VAV3: variants seen among roughly 807,000 people sequenced by gnomAD.
The protein encoded by VAV3 is guanine nucleotide exchange factor VAV3.
A neutral mutation model predicts 131.2 loss-of-function variants in VAV3; 94 were observed. The observed-to-expected ratio is 0.72, with a 90% CI of 0.61 to 0.85. VAV3 has a LOEUF of 0.85. Ranked by LOEUF, VAV3 falls within the 40% of genes least tolerant of loss-of-function variation. The pLI is 0.00. For synonymous variants in VAV3, 349 were observed against 342.0 expected, an observed-to-expected ratio of 1.02 and a Z score of -0.22; for missense variants, 939 against 1,002.7, an observed-to-expected ratio of 0.94 and a Z score of 0.86.
At chr1:107,736,155 C>T (rs940405310) in intron 15 of VAV3, among the ~76,000 whole-genome samples, 6 of 152,212 alleles carry the variant, frequency 3.9e-5, no homozygotes, top group African/African-American at 1.4e-4. Flanking sequence ...CAAAATTCAA[C>T]AGTCCTTCAT....
At chr1:107,948,852 T>C (rs200179204) in intron 1 of VAV3, among the ~76,000 whole-genome samples, 2 of 151,346 alleles carry the variant, frequency 1.3e-5, no homozygotes, top group Non-Finnish European at 2.9e-5. Flanking sequence ...AAAAAAAAAA[T>C]AAACAAACAA....
At chr1:107,661,543 T>C (rs1253501647) in intron 19 of VAV3, among the ~76,000 whole-genome samples, 1 of 152,222 alleles carries the variant, frequency 6.6e-6, no homozygotes, top group East Asian at 1.9e-4. Flanking sequence ...CACTTGAATA[T>C]AAGCTTTACA....
chr1:107,877,789 T>C (rs921649417), intron 1 of VAV3, among the ~76,000 whole-genome samples: 3 of 152,186 alleles, frequency 2.0e-5, no homozygotes, highest in Non-Finnish European at 4.4e-5. Context: ...TTCCTCAAGC[T>C]TCTCTGTTAA....
rs111538706 is a variant in VAV3 at position 107,912,315 on chromosome 1, T to C, written c.205-37298A>G. Among the ~76,000 whole-genome samples, 316 of 152,308 alleles carry C rather than the reference T, an allele frequency of 2.1e-3. 1 individual carries two copies. Among genetic ancestry groups the C allele is most frequent in the African/African-American group, 7.2e-3 (301 of 41,574 alleles). ...GTAATTTTGAGGAAGAAACCTCCAA[T>C]AAGCTCAGGTTTTAAAAATGCATAA... is the stretch of plus-strand genomic sequence containing the variant. On this transcript the variant is annotated intron_variant, in intron 1 of 26. Transcript: ENST00000370056.
At chr1:107,858,512 G>A (rs536671468) in intron 2 of VAV3, among the ~76,000 whole-genome samples, 32 of 152,300 alleles carry the variant, frequency 2.1e-4, no homozygotes, top group African/African-American at 6.7e-4. Flanking sequence ...TGAGCAGTGC[G>A]TGAGTGAGCA....
intron 15 of VAV3, among the ~76,000 whole-genome samples, chr1:107,732,005 G>A (rs764725896): frequency 6.6e-5 from 10 of 152,168 alleles, no homozygotes; most frequent in Non-Finnish European, 1.2e-4. Flanking sequence ...TTACTTCTAA[G>A]TGAAGAGAAA....
chr1:107,919,816 A>G (rs1672803835), intron 1 of VAV3, among the ~76,000 whole-genome samples: 1 of 152,206 alleles, frequency 6.6e-6, no homozygotes, highest in Admixed American at 6.5e-5. Flanking sequence ...TATCTTAATA[A>G]GAACAGAAAG....
At chr1:107,628,134 G>C (rs1228123427) in intron 20 of VAV3, among the ~76,000 whole-genome samples, 1 of 152,084 alleles carries the variant, frequency 6.6e-6, no homozygotes, top group Non-Finnish European at 1.5e-5. Flanking sequence ...CTGACAGAAC[G>C]GGGGTGAAAG....
At chr1:107,825,676 C>A (rs1282936898) in intron 2 of VAV3, among the ~76,000 whole-genome samples, 2 of 152,132 alleles carry the variant, frequency 1.3e-5, no homozygotes, top group African/African-American at 4.8e-5. Context: ...CAAATAAAAT[C>A]CTCTGCTTTC....
intron 23 of VAV3, among the ~76,000 whole-genome samples, 198 bp downstream of exon 23, chr1:107,602,849 T>A (rs923202632): frequency 6.6e-6 from 1 of 152,210 alleles, no homozygotes; most frequent in Non-Finnish European, 1.5e-5. Flanking sequence ...AAATCTAATA[T>A]GCCAATTAGC....
At chr1:107,767,287 C>T (rs988990240) in intron 7 of VAV3, among the ~76,000 whole-genome samples, 2 of 152,204 alleles carry the variant, frequency 1.3e-5, no homozygotes, top group Non-Finnish European at 2.9e-5. Flanking sequence ...GCAGTAAATA[C>T]ATGTCATAGC....
intron 2 of VAV3, among the ~76,000 whole-genome samples, chr1:107,864,008 T>A (rs935962795): frequency 5.3e-5 from 8 of 152,172 alleles, no homozygotes; most frequent in Non-Finnish European, 1.5e-5. Flanking sequence ...AATGTCAATA[T>A]TACCAAAAAT....
chr1:107,860,759 A>C (rs1276482662), intron 2 of VAV3, among the ~76,000 whole-genome samples: 1 of 151,692 alleles, frequency 6.6e-6, no homozygotes, highest in Non-Finnish European at 1.5e-5. Flanking sequence ...AGCCAAGCAC[A>C]GTGGCGTGCA....
At chr1:107,643,729 AC>A (rs1309476672) in intron 19 of VAV3, among the ~76,000 whole-genome samples, 1 of 152,194 alleles carries the variant, frequency 6.6e-6, no homozygotes, top group Non-Finnish European at 1.5e-5. Flanking sequence ...TGTCCAAGTT[AC>A]CTAGAAAACT....
intron 2 of VAV3, among the ~76,000 whole-genome samples, chr1:107,839,433 T>C (rs1285625720): frequency 1.3e-5 from 2 of 152,162 alleles, no homozygotes; most frequent in East Asian, 1.9e-4. Context: ...AAGTAACTTA[T>C]GAGTCGAAAA....
chr1:107,686,930 T>C (rs942479667), intron 18 of VAV3, among the ~76,000 whole-genome samples: 2 of 152,090 alleles, frequency 1.3e-5, no homozygotes, highest in Non-Finnish European at 2.9e-5. Context: ...AAAAATAATA[T>C]ATATATCTAA....
At chr1:107,819,904 T>TC (rs1667722336) in intron 2 of VAV3, among the ~76,000 whole-genome samples, 1 of 152,062 alleles carries the variant, frequency 6.6e-6, no homozygotes, top group Non-Finnish European at 1.5e-5. Context: ...AAAACTACAG[T>TC]GAAATATCAT....
intron 19 of VAV3, among the ~76,000 whole-genome samples, chr1:107,675,356 C>T (rs1658126547): frequency 1.3e-5 from 2 of 152,076 alleles, no homozygotes; most frequent in Admixed American, 6.6e-5. Flanking sequence ...GCTACTATTA[C>T]TTCCATTTTA....
At chr1:107,861,556 GTA>G (rs1669736500) in intron 2 of VAV3, among the ~76,000 whole-genome samples, 1 of 151,494 alleles carries the variant, frequency 6.6e-6, no homozygotes, top group South Asian at 2.1e-4. Context: ...AGCCTTCTAT[GTA>G]TGTTTTTATT....
Sources: allele counts gnomAD v4.1 joint callset (sites outside exome capture counted in the v4.1 genomes callset), GRCh38; gene constraint gnomAD v4.1.1; transcripts MANE v1.5; gene names NCBI Gene and HGNC (gene_info 2026-07-23, HGNC 2026-07-21).